The following MSRA variants were observed in gnomAD, a reference collection of about 807,000 sequenced individuals.
MSRA encodes methionine sulfoxide reductase A, also known as mitochondrial peptide methionine sulfoxide reductase.
In MSRA, 54 loss-of-function variants were observed where a neutral mutation model predicts 31.3. The ratio of observed to expected loss-of-function variants is 1.73; its 90% CI spans 1.39 to 2.17. The LOEUF is 2.17. MSRA is among the 30% of genes most tolerant of loss of function. The probability of loss-of-function intolerance (pLI) is 0.00; values close to 1 mark genes in which losing one functional copy is unlikely to be tolerated. For synonymous variants in MSRA, 169 were observed against 116.5 expected (o/e 1.45, Z -2.90); for missense variants, 507 against 300.9 (o/e 1.69, Z -5.07).
chr8:10,085,086 C>T (rs968122723), intron 1 of MSRA, among the ~76,000 whole-genome samples: 1 of 152,072 alleles, frequency 6.6e-6, no homozygotes, highest in Non-Finnish European at 1.5e-5. Context: ...TGCTCAAATG[C>T]CTGAAGTTTG....
intron 1 of MSRA, among the ~76,000 whole-genome samples, chr8:10,096,515 G>A (rs1799166775): frequency 6.6e-6 from 1 of 152,218 alleles, no homozygotes; most frequent in South Asian, 2.1e-4. Context: ...ATCTTTTGGA[G>A]AAGAAGTGGT....
At chr8:10,067,040 C>T (rs1797487508) in intron 1 of MSRA, among the ~76,000 whole-genome samples, 2 of 152,076 alleles carry the variant, frequency 1.3e-5, no homozygotes, top group African/African-American at 2.4e-5. Context: ...CTGTAGTTTA[C>T]ATTAGAGTTC....
intron 5 of MSRA, among the ~76,000 whole-genome samples, chr8:10,369,137 GTATT>G: frequency 6.6e-6 from 1 of 152,054 alleles, no homozygotes; most frequent in East Asian, 1.9e-4. Flanking sequence ...TAGTGACTGA[GTATT>G]TAAGGATGAA....
chr8:10,238,149 T>G (rs552839291), intron 2 of MSRA, among the ~76,000 whole-genome samples: 14 of 152,160 alleles, frequency 9.2e-5, no homozygotes, highest in Non-Finnish European at 1.9e-4. Flanking sequence ...TCCTGCCCCT[T>G]AGAAATAGCA....
intron 1 of MSRA, among the ~76,000 whole-genome samples, chr8:10,084,887 G>A (rs550375351): frequency 4.5e-4 from 16 of 35,466 alleles, no homozygotes; most frequent in African/African-American, 1.8e-3. Flanking sequence ...GTAGTTATAG[G>A]CTTTGCGAAT....
intron 5 of MSRA, among the ~76,000 whole-genome samples, chr8:10,351,342 C>T (rs1015254781): frequency 6.7e-6 from 1 of 149,658 alleles, no homozygotes; most frequent in Admixed American, 6.7e-5. Context: ...CAACCTCTGC[C>T]TCTTGGGTTC....
chr8:10,260,268 A>G (rs1201514814), intron 3 of MSRA, among the ~76,000 whole-genome samples: 1 of 152,188 alleles, frequency 6.6e-6, no homozygotes, highest in Non-Finnish European at 1.5e-5. Flanking sequence ...CTCACATGAC[A>G]AGTATGCAAG....
intron 1 of MSRA, among the ~76,000 whole-genome samples, chr8:10,073,478 A>G (rs925331446): frequency 2.0e-5 from 3 of 152,246 alleles, no homozygotes; most frequent in Non-Finnish European, 4.4e-5. Context: ...TAAAATATTT[A>G]TTATCTGGAA....
intron 5 of MSRA, among the ~76,000 whole-genome samples, chr8:10,406,424 C>T (rs780086189): frequency 2.0e-5 from 3 of 152,328 alleles, no homozygotes; most frequent in Non-Finnish European, 2.9e-5. Flanking sequence ...TACAGAAAGG[C>T]TAAGTGACTT....
intron 5 of MSRA, among the ~76,000 whole-genome samples, chr8:10,425,123 C>G (rs958995212): frequency 2.0e-5 from 3 of 152,230 alleles, no homozygotes; most frequent in African/African-American, 7.2e-5. Flanking sequence ...TTTGTCCTTT[C>G]CCTCAGTTTT....
chr8:10,055,288 TC>T (rs1388053398), intron 1 of MSRA, among the ~76,000 whole-genome samples: 11 of 152,250 alleles, frequency 7.2e-5, no homozygotes, highest in Non-Finnish European at 1.6e-4. Context: ...AACTTTCTAG[TC>T]GTTCTCACAT....
chr8:10,087,552 AT>A (rs1319372984), intron 1 of MSRA, among the ~76,000 whole-genome samples: 2 of 152,178 alleles, frequency 1.3e-5, no homozygotes, highest in Admixed American at 1.3e-4. Context: ...AAGGATCTAA[AT>A]TTCCAGAGGG....
intron 4 of MSRA, among the ~76,000 whole-genome samples, chr8:10,316,527 C>CTCTCTCTCTCTCTCTCT: frequency 1.8e-5 from 2 of 112,632 alleles, no homozygotes; most frequent in African/African-American, 6.1e-5. Context: ...TTTGATGATC[C>CTCTCTCTCTCTCTCTCT]CTCTCTCTCT....
In MSRA at chr8:10,400,398, T is replaced by C. The variant is rs966542450; in HGVS notation, c.544-27750T>C. 3.3e-5 allele frequency among the ~76,000 whole-genome samples: 5 copies of C among 151,206 alleles called. No homozygotes were observed. The East Asian group carries it at 9.7e-4, about 29-fold the overall frequency. Reference sequence around the variant, plus strand: ...GTGTGTGTGTGTAGTGTGTAGTGTGTAGGGAAAGATACACGGTGGATGAAT... The same window carrying C: ...GTGTGTGTGTGTAGTGTGTAGTGTGCAGGGAAAGATACACGGTGGATGAAT... On this transcript the variant is annotated intron_variant, in intron 5 of 5. Coordinates refer to ENST00000317173, the MANE Select transcript of MSRA (RefSeq NM_012331.5).
At chr8:10,221,548 T>C (rs1204954869) in intron 2 of MSRA, among the ~76,000 whole-genome samples, 2 of 152,046 alleles carry the variant, frequency 1.3e-5, no homozygotes, top group Non-Finnish European at 2.9e-5. Flanking sequence ...GCAGAACTAG[T>C]TAATGGCCTG....
At chr8:10,319,853 G>A in intron 4 of MSRA, 30 bp from the exon 5 acceptor site, 1 of 1,411,410 alleles carries the variant, frequency 7.1e-7, no homozygotes, top group Non-Finnish European at 9.5e-7. Flanking sequence ...CTAGTGACCG[G>A]GTAACCCTCC....
At chr8:10,305,409 C>CTTTTTTTTTTTTTTTTTTT (rs549346544) in intron 4 of MSRA, among the ~76,000 whole-genome samples, 2 of 122,968 alleles carry the variant, frequency 1.6e-5, no homozygotes, top group African/African-American at 6.1e-5. Context: ...TGTTTTCTTC[C>CTTTTTTTTTTTTTTTTTTT]TTTTTTTTTT....
chr8:10,334,871 G>T (rs572372109), intron 5 of MSRA, among the ~76,000 whole-genome samples: 14 of 152,308 alleles, frequency 9.2e-5, no homozygotes, highest in African/African-American at 3.1e-4. Context: ...CGCTCTGGCC[G>T]CTCCCGTCTG....
At chr8:10,177,990 T>C (rs1485787297) in intron 1 of MSRA, among the ~76,000 whole-genome samples, 1 of 152,228 alleles carries the variant, frequency 6.6e-6, no homozygotes, top group Non-Finnish European at 1.5e-5. Context: ...TTCATCTCAC[T>C]GTGGGGTTTA....
Sources: gnomAD v4.1 joint callset for allele counts (sites outside exome capture counted in the v4.1 genomes callset) on GRCh38, gnomAD v4.1.1 for gene constraint, MANE v1.5 for transcripts, NCBI Gene and HGNC (gene_info 2026-07-23, HGNC 2026-07-21) for gene names.